Variants in LOXL2 observed in about 807,000 individuals in gnomAD.
LOXL2 encodes the protein lysyl oxidase homolog 2.
LOXL2 carries 70 observed loss-of-function variants against 93.0 expected under a neutral mutation model. The ratio of observed to expected loss-of-function variants is 0.75; its 90% CI spans 0.62 to 0.92. The LOEUF is 0.92. LOXL2 is among the 40% of genes least tolerant of loss of function. The probability of loss-of-function intolerance (pLI) is 0.00; values close to 1 mark genes in which losing one functional copy is unlikely to be tolerated. For synonymous variants in LOXL2, 438 were observed against 413.2 expected (o/e 1.06, Z -0.73); for missense variants, 973 against 1,054.9 (o/e 0.92, Z 1.08).
chr8:23,359,665 T>C (rs143716995), intron 3 of LOXL2, among the ~76,000 whole-genome samples: 4 of 152,344 alleles, frequency 2.6e-5, no homozygotes, highest in Admixed American at 2.6e-4. Context: ...AAAGATTCAC[T>C]CTTTTCAGCT....
At chr8:23,342,228 G>A (rs903190615) in intron 3 of LOXL2, among the ~76,000 whole-genome samples, 1 of 152,112 alleles carries the variant, frequency 6.6e-6, no homozygotes, top group African/African-American at 2.4e-5. Context: ...AGCTGAATGA[G>A]AGGAGAAGAG....
intron 1 of LOXL2, among the ~76,000 whole-genome samples, chr8:23,379,487 G>C (rs1804643516): frequency 6.6e-6 from 1 of 152,234 alleles, no homozygotes; most frequent in Non-Finnish European, 1.5e-5. Context: ...ATTTATGTCT[G>C]CTGAGGTTTC....
At chr8:23,364,693 T>A (rs1370682601) in intron 2 of LOXL2, 1 of 148,032 alleles carries the variant, frequency 6.8e-6, no homozygotes, top group East Asian at 2.1e-4. Context: ...ATTAAAAAAA[T>A]CAGCTGGGCC....
intron 6 of LOXL2, among the ~76,000 whole-genome samples, chr8:23,326,543 C>A (rs187837493): frequency 9.2e-5 from 14 of 152,234 alleles, no homozygotes; most frequent in Non-Finnish European, 1.8e-4. Flanking sequence ...CACTTGAGGT[C>A]AGGAGTTCAA....
At chr8:23,380,727 A>G (rs1804670537) in intron 1 of LOXL2, among the ~76,000 whole-genome samples, 1 of 152,188 alleles carries the variant, frequency 6.6e-6, no homozygotes, top group Non-Finnish European at 1.5e-5. Context: ...AAGGAAGAAA[A>G]TAAGGGCTGG....
At chr8:23,330,419 C>A (rs1803653632) in intron 5 of LOXL2, among the ~76,000 whole-genome samples, 1 of 152,116 alleles carries the variant, frequency 6.6e-6, no homozygotes. Context: ...CTGGCTGCAA[C>A]CTCTGTTTTC....
chr8:23,388,948 T>C (rs1303444283), intron 1 of LOXL2, among the ~76,000 whole-genome samples: 1 of 152,008 alleles, frequency 6.6e-6, no homozygotes, highest in African/African-American at 2.4e-5. Context: ...GGTTCTGAGT[T>C]GGTCATAAGC....
At chr8:23,358,928 G>A (rs532071718) in intron 3 of LOXL2, among the ~76,000 whole-genome samples, 3 of 149,268 alleles carry the variant, frequency 2.0e-5, no homozygotes, top group Non-Finnish European at 4.4e-5. Flanking sequence ...TGCAAGCTCC[G>A]CCTCCTGGGT....
chr8:23,300,135 C>T (rs1478373091), intron 12 of LOXL2, among the ~76,000 whole-genome samples: 2 of 152,262 alleles, frequency 1.3e-5, no homozygotes, highest in Non-Finnish European at 2.9e-5. Flanking sequence ...AGCTCCTTGG[C>T]CGCCCAGGCG....
chr8:23,343,426 C>A (rs965202720), intron 3 of LOXL2, among the ~76,000 whole-genome samples: 2 of 152,234 alleles, frequency 1.3e-5, no homozygotes, highest in African/African-American at 4.8e-5. Context: ...GACACACACA[C>A]TGTGGGCGGG....
Position 23,297,022 on chromosome 8 carries a change from AG to A in LOXL2, c.*1020del, listed in dbSNP as rs1182118957. Among the ~76,000 whole-genome samples the A allele has an allele frequency of 6.6e-6, 1 of 152,078 alleles. No individual in the cohort carries two copies. Among genetic ancestry groups the A allele is most frequent in the Non-Finnish European group, 1.5e-5 (1 of 68,008 alleles). On this transcript the variant is annotated 3_prime_UTR_variant, in exon 14 of 14. Transcript: ENST00000389131. ...TGCCCCTTTTGGAGTCTATTGAAGG[AG>A]GTGCCCTGGTGGCCACACTGGGCTG...
At chr8:23,316,205 A>G (rs889539998) in intron 9 of LOXL2, among the ~76,000 whole-genome samples, 13 of 152,160 alleles carry the variant, frequency 8.5e-5, no homozygotes, top group Admixed American at 2.6e-4. Flanking sequence ...TAATTGTCAC[A>G]CTTGATTTCT....
chr8:23,327,542 C>T (rs1466199193), intron 6 of LOXL2, among the ~76,000 whole-genome samples: 1 of 152,128 alleles, frequency 6.6e-6, no homozygotes, highest in Admixed American at 6.5e-5. Flanking sequence ...CGGTCTGCAG[C>T]GGCCTCCCTG....
chr8:23,379,894 G>A lies in LOXL2; in HGVS notation c.-83-11460C>T, dbSNP rs1417153293. On this transcript the variant is annotated intron_variant, in intron 1 of 13. Transcript: ENST00000389131. ...CTGAACCCTTGCGCTTCCTGGGTGA[G>A]GGGATGCCTCGCCTTGCTTCGGCTC... 3.3e-5 allele frequency among the ~76,000 whole-genome samples: 5 copies of A among 152,218 alleles called. No individual in the cohort carries two copies. The South Asian group carries it at 8.3e-4, about 25-fold the overall frequency.
At chr8:23,324,377 C>A (rs1370727758) in intron 6 of LOXL2, among the ~76,000 whole-genome samples, 1 of 152,194 alleles carries the variant, frequency 6.6e-6, no homozygotes, top group East Asian at 1.9e-4. Flanking sequence ...CATGGTGCGT[C>A]CAAGGAAGGG....
intron 1 of LOXL2, among the ~76,000 whole-genome samples, chr8:23,390,808 G>A (rs575470362): frequency 2.0e-5 from 3 of 152,274 alleles, no homozygotes; most frequent in East Asian, 3.9e-4. Context: ...ATAGAGACAA[G>A]GATGCCTTAT....
chr8:23,318,980 T>G (rs1419699962), intron 8 of LOXL2, among the ~76,000 whole-genome samples: 6 of 152,224 alleles, frequency 3.9e-5, no homozygotes, highest in Non-Finnish European at 1.5e-5. Context: ...GGAATTCTCC[T>G]CTTCTCTCCC....
intron 1 of LOXL2, among the ~76,000 whole-genome samples, chr8:23,397,491 T>C (rs1038587472): frequency 2.6e-5 from 4 of 152,120 alleles, no homozygotes; most frequent in African/African-American, 7.2e-5. Flanking sequence ...AGAAATATGC[T>C]TTTCCGGCCA....
chr8:23,369,682 A>G (rs2117215259), intron 1 of LOXL2, among the ~76,000 whole-genome samples: 1 of 152,262 alleles, frequency 6.6e-6, no homozygotes, highest in African/African-American at 2.4e-5. Context: ...GGGGACAGTC[A>G]GAACTGAGGA....
Sources: allele counts gnomAD v4.1 joint callset (sites outside exome capture counted in the v4.1 genomes callset), GRCh38; gene constraint gnomAD v4.1.1; transcripts MANE v1.5; gene names NCBI Gene and HGNC (gene_info 2026-07-23, HGNC 2026-07-21).